Variants in NPTX2 observed in about 807,000 individuals in gnomAD.
NPTX2 encodes the protein neuronal pentraxin-2.
A neutral mutation model predicts 38.1 loss-of-function variants in NPTX2; 23 were observed. That is an observed-to-expected ratio of 0.60 (90% CI 0.43 to 0.85). NPTX2 has a LOEUF of 0.85. NPTX2 is among the 40% of genes least tolerant of loss of function. The pLI is 0.00. For synonymous variants in NPTX2, 291 were observed against 287.3 expected (o/e 1.01, Z -0.13); for missense variants, 553 against 615.3 (o/e 0.90, Z 1.07).
Position 98,617,607 on chromosome 7 carries a change from A to G in NPTX2, c.146A>G (p.Gln49Arg). ...TGCCCGCTGCCCGCGATGCCCATGCAGGGCGGCGCGCAGAGTCCCGAGGAG... is the reference window on the plus strand; with the variant it reads ...TGCCCGCTGCCCGCGATGCCCATGCGGGGCGGCGCGCAGAGTCCCGAGGAG... The part of the protein sequence containing the change: ...AGCPLPAMPM[Q>R]GGAQSPEEEL... The change falls in exon 1 of 5, where the codon CAG (glutamine) becomes CGG (arginine). Residue 49 changes from glutamine to arginine, a missense_variant. Transcript: ENST00000265634. 6.7e-7 allele frequency: 1 copy of G among 1,489,612 alleles called. No individual in the cohort carries two copies. The highest frequency in any genetic ancestry group is 1.3e-5 in the South Asian group (1 of 79,572). The allele number at this position is 1,489,612 out of a possible 1,614,324, so 92.3% of individuals were successfully genotyped here. A position where few individuals can be genotyped will look rare whatever the true frequency, so the allele number is the denominator to read the frequency against.
chr7:98,618,387 GTCT>G (rs1791211251), intron 1 of NPTX2, among the ~76,000 whole-genome samples: 2 of 152,174 alleles, frequency 1.3e-5, no homozygotes, highest in Non-Finnish European at 2.9e-5. Flanking sequence ...GGGGGCGGAA[GTCT>G]GGGGGCGGAG....
intron 2 of NPTX2, among the ~76,000 whole-genome samples, chr7:98,622,650 G>T (rs1291181059): frequency 6.6e-6 from 1 of 152,182 alleles, no homozygotes; most frequent in South Asian, 2.1e-4. Context: ...GGGACACTCT[G>T]GTTCTCTCTC....
At chr7:98,618,605 C>G (rs1791221835) in intron 1 of NPTX2, among the ~76,000 whole-genome samples, 1 of 123,558 alleles carries the variant, frequency 8.1e-6, no homozygotes, top group Admixed American at 7.9e-5. Flanking sequence ...TCCCCCCCCC[C>G]CGCCCCCCGC....
intron 4 of NPTX2, among the ~76,000 whole-genome samples, chr7:98,627,912 A>G (rs1244268035): frequency 1.3e-5 from 2 of 152,196 alleles, no homozygotes; most frequent in Non-Finnish European, 2.9e-5. Context: ...GTGGCACCTC[A>G]AAGTGCCCTC....
chr7:98,619,730 C>G lies in NPTX2; in HGVS notation c.514C>G (p.Gln172Glu). Residue 172 changes from glutamine to glutamate, a missense_variant, in exon 2 of 5, where the codon CAG becomes GAG. Physicochemically the swap from Gln to Glu is conservative, Grantham distance 29. Coordinates refer to ENST00000265634, the MANE Select transcript of NPTX2 (RefSeq NM_002523.3). Reference protein sequence around the residue: ...LQQRLGELERQLLRKVAELED... With the variant: ...LQQRLGELERELLRKVAELED... ...GCAGCGGCTGGGGGAGCTGGAGAGG[C>G]AGCTTCTGCGCAAGGTGGCAGAGCT... 6.2e-7 allele frequency: 1 copy of G among 1,613,276 alleles called. No homozygotes were observed. Among genetic ancestry groups the G allele is most frequent in the Non-Finnish European group, 8.5e-7 (1 of 1,180,020 alleles).
Position 98,617,371 on chromosome 7 carries a change from C to A in NPTX2, c.-91C>A, listed in dbSNP as rs1397917855. The A allele has an allele frequency of 9.2e-6, 3 of 326,242 alleles. No homozygotes were observed. The highest frequency in any genetic ancestry group is 5.0e-5 in the Admixed American group (1 of 19,804). 20.2% of individuals were successfully genotyped at this position (326,242 alleles called of 1,614,324 possible). A position where few individuals can be genotyped will look rare whatever the true frequency, so the allele number is the denominator to read the frequency against. On this transcript the variant is annotated 5_prime_UTR_variant, in exon 1 of 5. Transcript: ENST00000265634. ...GCACGCGACCCTCGAGACGACAGCG[C>A]GGCTACTGCCAGCAGCGAAGGCGCC...
At chr7:98,623,833 C>T (rs768089371) in intron 2 of NPTX2, among the ~76,000 whole-genome samples, 89 of 152,150 alleles carry the variant, frequency 5.8e-4, no homozygotes, top group Non-Finnish European at 1.2e-3. Flanking sequence ...GCGAAGATTT[C>T]AAGGAAATAT....
At position 98,619,522 on chromosome 7, in the gene NPTX2, G is replaced by A. The variant is rs1791237056; in HGVS notation, c.427-121G>A. 2.1e-5 allele frequency: 16 copies of A among 765,416 alleles called. No homozygotes were observed. The East Asian group carries it at 4.0e-4, about 19-fold the overall frequency. The allele number at this position is 765,416 out of a possible 1,614,324, so 47.4% of individuals were successfully genotyped here. A position where few individuals can be genotyped will look rare whatever the true frequency, so the allele number is the denominator to read the frequency against. On this transcript the variant is annotated intron_variant, in intron 1 of 4. Transcript: ENST00000265634. ...GTGAGATGCTCCCCTGCCTGCCAGT[G>A]GCAAGATTCAGGGCTTGCGTTTTGG...
intron 1 of NPTX2, among the ~76,000 whole-genome samples, chr7:98,618,524 G>C (rs1173232545): frequency 6.8e-6 from 1 of 146,036 alleles, no homozygotes; most frequent in Non-Finnish European, 1.5e-5. Flanking sequence ...TGCTCTTCCG[G>C]ATTGCTTCAG....
At chr7:98,618,595 T>TCCCCC (rs1221869556) in intron 1 of NPTX2, among the ~76,000 whole-genome samples, 9 of 29,124 alleles carry the variant, frequency 3.1e-4, no homozygotes, top group African/African-American at 6.7e-4. Flanking sequence ...TCCCCCTCCG[T>TCCCCC]CCCCCCCCCC....
chr7:98,618,604 C>G lies in NPTX2; in HGVS notation c.426+717C>G, dbSNP rs1160454037. Among the ~76,000 whole-genome samples the G allele has an allele frequency of 3.3e-5, 4 of 121,604 alleles. No homozygotes were observed. The East Asian group carries it at 1.2e-3, about 37-fold the overall frequency. The allele number at this position is 121,604 out of a possible 152,430, so 79.8% of individuals were successfully genotyped here. ...CCCCCCTCCCCCTCCGTCCCCCCCC[C>G]CCGCCCCCCGCTCCCGCCTCCGTCT... On this transcript the variant is annotated intron_variant, in intron 1 of 4. Transcript: ENST00000265634.
Position 98,625,091 on chromosome 7 carries a change from G to A in NPTX2, c.813G>A (p.Ala271=), listed in dbSNP as rs369302010. 1.1e-4 allele frequency: 182 copies of A among 1,612,568 alleles called. No homozygotes were observed. The highest frequency in any genetic ancestry group is 3.3e-4 in the Middle Eastern group (2 of 6,084). The change falls in exon 3 of 5, where the codon GCG becomes GCA. Residue 271 remains alanine (A), a synonymous_variant. Coordinates refer to ENST00000265634, the MANE Select transcript of NPTX2 (RefSeq NM_002523.3). ...SPGIGTPFSY[A]VPGQANEIVL... ...GCATTGGCACCCCCTTCTCCTATGC[G>A]GTGCCAGGGCAGGCCAACGAGATCG...
chr7:98,617,509 G>A lies in NPTX2; in HGVS notation c.48G>A (p.Gly16=). 2 of 1,312,844 alleles carry A rather than the reference G, an allele frequency of 1.5e-6. No individual in the cohort carries two copies. The highest frequency in any genetic ancestry group is 1.9e-6 in the Non-Finnish European group (2 of 1,032,678). 81.3% of individuals were successfully genotyped at this position (1,312,844 alleles called of 1,614,324 possible). The change falls in exon 1 of 5, where the codon GGG becomes GGA. Residue 16 remains glycine (G), a synonymous_variant. Coordinates refer to ENST00000265634, the MANE Select transcript of NPTX2 (RefSeq NM_002523.3). The part of the protein sequence containing the change: ...AASVALAVAA[G]AQDSPAPGSR... ...GCGTGGCGCTCGCCGTGGCCGCTGG[G>A]GCCCAGGACAGCCCGGCGCCCGGTA...
At chr7:98,624,525 C>T (rs190132128) in intron 2 of NPTX2, among the ~76,000 whole-genome samples, 2 of 152,096 alleles carry the variant, frequency 1.3e-5, no homozygotes, top group Non-Finnish European at 2.9e-5. Flanking sequence ...GTCCTTGGGG[C>T]CCTGTACTTG....
Position 98,617,906 on chromosome 7 carries a change from C to T in NPTX2, c.426+19C>T. 1 of 1,539,706 alleles carries T rather than the reference C, an allele frequency of 6.5e-7. No homozygotes were observed. Among genetic ancestry groups the T allele is most frequent in the South Asian group, 1.2e-5 (1 of 84,522 alleles). ...CCTCGAGGTAGCGGCCCGCGGGGAG[C>T]GCGGGGGACCTGGAATGGGGACGCT... On this transcript the variant is annotated intron_variant, in intron 1 of 4. Transcript: ENST00000265634.
At chr7:98,617,991 G>A (rs1442917515) in intron 1 of NPTX2, 104 bp downstream of exon 1, 2 of 1,222,040 alleles carry the variant, frequency 1.6e-6, no homozygotes, top group East Asian at 5.7e-5. Context: ...CCTGGGGAGG[G>A]TGTGATCGTC....
intron 2 of NPTX2, among the ~76,000 whole-genome samples, 190 bp from the exon 3 acceptor site, chr7:98,624,732 C>G (rs1791318914): frequency 6.6e-6 from 1 of 152,192 alleles, no homozygotes; most frequent in Non-Finnish European, 1.5e-5. Context: ...ATCTTGTGTC[C>G]TGAATCCTGC....
At position 98,627,163 on chromosome 7, in the gene NPTX2, AGGTTGCGC is replaced by A; in HGVS notation, c.889-1_895del. The A allele has an allele frequency of 1.2e-6, 2 of 1,609,892 alleles. No homozygotes were observed. The highest frequency in any genetic ancestry group is 3.3e-4 in the Middle Eastern group (2 of 6,038). On this transcript the variant is annotated splice_acceptor_variant and coding_sequence_variant, in exon 4 of 5. Transcript: ENST00000265634. LOFTEE classifies it high-confidence loss of function. ...TCCTTACCTGCACATTGCTGCTCAC[AGGTTGCGC>A]AGCTGCCCCTGTTTGTCAGTGACGG...
chr7:98,620,002 C>T, intron 2 of NPTX2, 143 bp downstream of exon 2: 3 of 717,438 alleles, frequency 4.2e-6, no homozygotes, highest in South Asian at 1.7e-5. Flanking sequence ...ATAATAAAGG[C>T]GACTGAACAA....
Sources: gnomAD v4.1 joint callset for allele counts (sites outside exome capture counted in the v4.1 genomes callset) on GRCh38, gnomAD v4.1.1 for gene constraint, MANE v1.5 for transcripts, NCBI Gene and HGNC (gene_info 2026-07-23, HGNC 2026-07-21) for gene names.